The following SLIT3 variants were observed in gnomAD, a reference collection of about 807,000 sequenced individuals.
SLIT3 encodes the protein slit guidance ligand 3.
Under a neutral mutation model 184.0 loss-of-function variants are expected in SLIT3, and 68 were observed. That is an observed-to-expected ratio of 0.37 (90% CI 0.30 to 0.45). SLIT3 has a LOEUF of 0.45. SLIT3 is among the 20% of genes least tolerant of loss of function. The pLI is 1.00. For synonymous variants in SLIT3, 831 were observed against 828.6 expected, an observed-to-expected ratio of 1.00 and a Z score of -0.05; for missense variants, 1,707 against 2,026.0, an observed-to-expected ratio of 0.84 and a Z score of 3.02.
chr5:169,233,749 C>A (rs1404976945), intron 3 of SLIT3, among the ~76,000 whole-genome samples: 2 of 152,054 alleles, frequency 1.3e-5, no homozygotes, highest in East Asian at 3.8e-4. Context: ...ATCTTTATAT[C>A]CATTCTTTTT....
In SLIT3 at chr5:168,986,400, C is replaced by T. The variant is rs530082110; in HGVS notation, c.414-103064G>A. On this transcript the variant is annotated intron_variant, in intron 4 of 35. Transcript: ENST00000519560. ...GGACGGTGGCGCCCTTCTTACATGG[C>T]CTCCATAGCCCTCCTCTCCCTTTGG... Among the ~76,000 whole-genome samples, 9 of 152,100 alleles carry T rather than the reference C, an allele frequency of 5.9e-5. No individual in the cohort carries two copies. The East Asian group carries it at 9.7e-4, about 16-fold the overall frequency.
chr5:169,100,239 A>C (rs1178576094), intron 4 of SLIT3, among the ~76,000 whole-genome samples: 1 of 152,314 alleles, frequency 6.6e-6, no homozygotes, highest in South Asian at 2.1e-4. Context: ...CTTGGGCCCA[A>C]GAAAACAGTG....
Position 168,743,613 on chromosome 5 carries a change from C to G in SLIT3, c.2270+4689G>C, listed in dbSNP as rs142923931. 5.5e-4 allele frequency among the ~76,000 whole-genome samples: 83 copies of G among 152,238 alleles called. No individual in the cohort carries two copies. The East Asian group carries it at 8.7e-3, about 16-fold the overall frequency. ...GGGCCAACTAATAACCCTACAACGG[C>G]CTCTAAGAATCACACATCTCTCACT... On this transcript the variant is annotated intron_variant, in intron 20 of 35. Transcript: ENST00000519560.
intron 4 of SLIT3, among the ~76,000 whole-genome samples, chr5:169,090,823 G>C (rs1759555481): frequency 6.6e-6 from 1 of 152,226 alleles, no homozygotes; most frequent in South Asian, 2.1e-4. Context: ...TTCTCTGCTA[G>C]AGCCTCCAGA....
intron 4 of SLIT3, among the ~76,000 whole-genome samples, chr5:169,035,294 C>T (rs1327088953): frequency 6.6e-6 from 1 of 152,070 alleles, no homozygotes; most frequent in African/African-American, 2.4e-5. Flanking sequence ...AATACTGCTA[C>T]TACTGATGGC....
intron 6 of SLIT3, 76 bp downstream of exon 6, chr5:168,844,508 C>A (rs1758382127): frequency 1.5e-6 from 2 of 1,357,604 alleles, no homozygotes. Flanking sequence ...CTCCCCCTCT[C>A]TCCTCCCCAC....
At chr5:169,085,060 C>T (rs1485612042) in intron 4 of SLIT3, among the ~76,000 whole-genome samples, 1 of 152,208 alleles carries the variant, frequency 6.6e-6, no homozygotes, top group Non-Finnish European at 1.5e-5. Context: ...GAGATTTCTA[C>T]CCACACCTTG....
chr5:168,871,331 T>C (rs1759510985), intron 5 of SLIT3, among the ~76,000 whole-genome samples: 1 of 152,218 alleles, frequency 6.6e-6, no homozygotes, highest in South Asian at 2.1e-4. Flanking sequence ...CACATTCACA[T>C]ACATTAGAGT....
intron 4 of SLIT3, chr5:169,024,005 C>T (rs1244615017): frequency 3.3e-5 from 5 of 152,124 alleles, no homozygotes; most frequent in African/African-American, 9.7e-5. Context: ...ACCTATGGAC[C>T]TCATGTATGC....
chr5:168,902,891 TGGCTGAGTGAATGAGAATGGGAATAGC>T (rs774567548), intron 4 of SLIT3, among the ~76,000 whole-genome samples: 48 of 152,150 alleles, frequency 3.2e-4, no homozygotes, highest in Non-Finnish European at 5.1e-4. Context: ...ATGGGGGTAG[TGGCTGAGTGAATGAGAATGGGAATAGC>T]GGCTGATTAG....
rs569565923 is a variant in SLIT3, at chr5:168,961,639, T to C, written c.414-78303A>G. 4.6e-5 allele frequency among the ~76,000 whole-genome samples: 7 copies of C among 152,304 alleles called. No homozygotes were observed. In the South Asian group the frequency reaches 1.0e-3, roughly 23 times the overall value. On this transcript the variant is annotated intron_variant, in intron 4 of 35. Transcript: ENST00000519560. ...ACCGGTACCAGGGAACAGAACCTTC[T>C]GTGCAGAGAGAATAGTATGTGCAAA... is the stretch of plus-strand genomic sequence containing the variant.
At chr5:169,010,230 T>C (rs1044434429) in intron 4 of SLIT3, among the ~76,000 whole-genome samples, 4 of 152,188 alleles carry the variant, frequency 2.6e-5, no homozygotes, top group Non-Finnish European at 5.9e-5. Context: ...AGGTACCCAG[T>C]GTGACCACAG....
At chr5:169,015,530 C>T (rs1163758876) in intron 4 of SLIT3, among the ~76,000 whole-genome samples, 1 of 152,158 alleles carries the variant, frequency 6.6e-6, no homozygotes, top group Non-Finnish European at 1.5e-5. Flanking sequence ...TGTAACTTTG[C>T]ACAATTAACT....
At chr5:169,063,911 A>T (rs772760647) in intron 4 of SLIT3, among the ~76,000 whole-genome samples, 22 of 152,202 alleles carry the variant, frequency 1.4e-4, no homozygotes, top group Non-Finnish European at 2.9e-4. Context: ...TTCTGACAAC[A>T]CAAATGCCGT....
intron 4 of SLIT3, among the ~76,000 whole-genome samples, chr5:169,156,714 C>A (rs1408685936): frequency 6.6e-6 from 1 of 152,178 alleles, no homozygotes; most frequent in Admixed American, 6.5e-5. Context: ...CATTGAGGTA[C>A]CTGATGATAT....
At chr5:169,017,121 C>T (rs891740839) in intron 4 of SLIT3, among the ~76,000 whole-genome samples, 4 of 152,154 alleles carry the variant, frequency 2.6e-5, no homozygotes, top group Non-Finnish European at 2.9e-5. Context: ...TCCTGTAGTC[C>T]GCCTTTAAAA....
intron 4 of SLIT3, among the ~76,000 whole-genome samples, chr5:168,903,011 GGA>G (rs1371287330): frequency 2.0e-5 from 3 of 152,168 alleles, no homozygotes; most frequent in Admixed American, 1.3e-4. Flanking sequence ...GTTTCCAGCA[GGA>G]GAGAGTGTAG....
intron 12 of SLIT3, among the ~76,000 whole-genome samples, chr5:168,782,957 CTT>C (rs971487264): frequency 3.3e-5 from 5 of 152,182 alleles, no homozygotes; most frequent in African/African-American, 7.2e-5. Context: ...TGATAACAGA[CTT>C]TTCTGAGTTT....
At chr5:168,874,930 C>T (rs986522738) in intron 5 of SLIT3, among the ~76,000 whole-genome samples, 4 of 152,130 alleles carry the variant, frequency 2.6e-5, no homozygotes, top group Non-Finnish European at 5.9e-5. Context: ...CCCCTGTAGA[C>T]AAAAATTCAC....
Sources: gnomAD v4.1 joint callset for allele counts (sites outside exome capture counted in the v4.1 genomes callset) on GRCh38, gnomAD v4.1.1 for gene constraint, MANE v1.5 for transcripts, NCBI Gene and HGNC (gene_info 2026-07-23, HGNC 2026-07-21) for gene names.